FBN1: variants seen among roughly 807,000 people sequenced by gnomAD.
The protein encoded by FBN1 is fibrillin-1.
In FBN1, 29 loss-of-function variants were observed where a neutral mutation model predicts 365.1. The observed-to-expected ratio is 0.08, with a 90% CI of 0.06 to 0.11. FBN1 has a LOEUF of 0.11. Ranked by LOEUF, FBN1 falls within the 10% of genes least tolerant of loss-of-function variation. FBN1 has a pLI of 1.00. For missense variants in FBN1, 2,476 were observed against 3,703.2 expected, an observed-to-expected ratio of 0.67 and a Z score of 8.60; for synonymous variants, 1,210 against 1,270.5, an observed-to-expected ratio of 0.95 and a Z score of 1.01.
chr15:48,473,661 G>A (rs374878247), intron 34 of FBN1, among the ~76,000 whole-genome samples: 2 of 152,046 alleles, frequency 1.3e-5, no homozygotes, highest in Non-Finnish European at 2.9e-5. Flanking sequence ...TGATGATGAC[G>A]ATAATGATGA....
Position 48,596,294 on chromosome 15 carries a change from T to C in FBN1, c.527A>G (p.Gln176Arg), listed in dbSNP as rs1487286173. The change falls in exon 6 of 66, where the codon CAG becomes CGG. Residue 176 changes from glutamine to arginine, a missense_variant. Gln to Arg is a conservative substitution (Grantham distance 43). Around this residue, in one of 5 missense-constraint regions of FBN1, gnomAD observed 421 missense variants for 520.1 expected, o/e 0.81. Coordinates refer to ENST00000316623, the MANE Select transcript of FBN1 (RefSeq NM_000138.5). ...CACTYGFTGP[Q>R]CERDYRTGPC... The stretch of plus-strand genomic sequence containing the variant: ...TTAAAAACCATTACCTCTTTCACAC[T>C]GGGGTCCAGTAAATCCGTAAGTGCA... 4 of 1,613,918 alleles carry C rather than the reference T, an allele frequency of 2.5e-6. No individual in the cohort carries two copies. The highest frequency in any genetic ancestry group is 1.7e-6 in the Non-Finnish European group (2 of 1,179,796).
At chr15:48,519,813 G>A (rs1055115292) in intron 10 of FBN1, among the ~76,000 whole-genome samples, 2 of 152,178 alleles carry the variant, frequency 1.3e-5, no homozygotes, top group African/African-American at 4.8e-5. Flanking sequence ...TTAGATTTGG[G>A]ACTCTAAATA....
At chr15:48,503,017 G>A (rs111289708) in intron 17 of FBN1, among the ~76,000 whole-genome samples, 12 of 151,832 alleles carry the variant, frequency 7.9e-5, no homozygotes, top group South Asian at 2.1e-4. Flanking sequence ...AAACCACACC[G>A]GTCCGGGCGC....
At chr15:48,567,539 G>T (rs952957371) in intron 6 of FBN1, among the ~76,000 whole-genome samples, 2 of 152,042 alleles carry the variant, frequency 1.3e-5, no homozygotes, top group Non-Finnish European at 2.9e-5. Flanking sequence ...TATTCCCAAT[G>T]AACAGAGACA....
At chr15:48,496,280 T>C (rs1489320423) in intron 19 of FBN1, 55 bp from the exon 20 acceptor site, 2 of 1,609,978 alleles carry the variant, frequency 1.2e-6, no homozygotes, top group Non-Finnish European at 1.7e-6. Context: ...TGCCTGTATC[T>C]ACTTTGCTCT....
intron 50 of FBN1, among the ~76,000 whole-genome samples, chr15:48,440,234 C>CT (rs1359054367): frequency 7.9e-5 from 12 of 152,218 alleles, no homozygotes; most frequent in Non-Finnish European, 1.8e-4. Flanking sequence ...ACAAAAGTCA[C>CT]TTTCCCTGCT....
intron 8 of FBN1, among the ~76,000 whole-genome samples, chr15:48,531,938 T>C (rs1597590477): frequency 6.6e-6 from 1 of 152,188 alleles, no homozygotes; most frequent in East Asian, 1.9e-4. Flanking sequence ...GAAAAAAAAA[T>C]CTAGCCAAAA....
At chr15:48,472,461 A>C in intron 35 of FBN1, 90 bp downstream of exon 35, 1 of 725,822 alleles carries the variant, frequency 1.4e-6, no homozygotes, top group Admixed American at 4.6e-5. Flanking sequence ...CTCAGTTTAA[A>C]AAAAAAAAAA....
intron 2 of FBN1, among the ~76,000 whole-genome samples, chr15:48,630,032 C>T (rs16961261): frequency 0.017 from 2,622 of 152,274 alleles, 77 homozygotes; most frequent in African/African-American, 0.061. Flanking sequence ...TATCCAGCTA[C>T]TAAATAAGGT....
intron 7 of FBN1, among the ~76,000 whole-genome samples, chr15:48,536,951 G>A (rs1292932689): frequency 6.6e-6 from 1 of 152,152 alleles, no homozygotes; most frequent in Non-Finnish European, 1.5e-5. Context: ...AGTTTAGTGT[G>A]GAGCTGCCTC....
chr15:48,451,801 T>G (rs779491234), intron 45 of FBN1, among the ~76,000 whole-genome samples: 1 of 152,212 alleles, frequency 6.6e-6, no homozygotes, highest in African/African-American at 2.4e-5. Context: ...TCTGAGATAT[T>G]ATTTTGTTTC....
intron 6 of FBN1, among the ~76,000 whole-genome samples, chr15:48,563,177 C>T (rs922902309): frequency 5.3e-5 from 8 of 152,136 alleles, no homozygotes; most frequent in African/African-American, 1.9e-4. Flanking sequence ...GTCTGCCAGA[C>T]ACTATTCTAG....
chr15:48,538,921 C>T lies in FBN1; in HGVS notation c.539-1113G>A, dbSNP rs2044034815. Reference sequence around the variant, plus strand: ...AGTTTTATGAAAATCACTGGCTGTGCTAATGAAACTACTGGGATGCTTTCA... The same window carrying T: ...AGTTTTATGAAAATCACTGGCTGTGTTAATGAAACTACTGGGATGCTTTCA... On this transcript the variant is annotated intron_variant, in intron 6 of 65. Coordinates refer to ENST00000316623, the MANE Select transcript of FBN1 (RefSeq NM_000138.5). 2.0e-5 allele frequency among the ~76,000 whole-genome samples: 3 copies of T among 152,292 alleles called. No homozygotes were observed. In the South Asian group the frequency reaches 6.2e-4, roughly 32 times the overall value.
chr15:48,543,185 ATAGT>A (rs1411677255), intron 6 of FBN1, among the ~76,000 whole-genome samples: 1 of 152,188 alleles, frequency 6.6e-6, no homozygotes, highest in Non-Finnish European at 1.5e-5. Context: ...CAGTGTCCTA[ATAGT>A]TAGTAGAATT....
At chr15:48,627,343 G>A (rs1375125284) in intron 2 of FBN1, among the ~76,000 whole-genome samples, 1 of 152,190 alleles carries the variant, frequency 6.6e-6, no homozygotes, top group Non-Finnish European at 1.5e-5. Flanking sequence ...TCCCAACAGA[G>A]AATGAGTATT....
intron 34 of FBN1, 128 bp from the exon 35 acceptor site, chr15:48,472,804 T>C: frequency 3.1e-6 from 4 of 1,302,036 alleles, no homozygotes; most frequent in Admixed American, 1.9e-5. Context: ...AAGTCATTTA[T>C]TTTTCTCTTT....
intron 51 of FBN1, 53 bp downstream of exon 51, chr15:48,437,715 T>C (rs1013061195): frequency 2.5e-6 from 4 of 1,592,010 alleles, no homozygotes; most frequent in East Asian, 2.2e-5. Flanking sequence ...ACTTACATCA[T>C]GGCCAGTCTG....
intron 43 of FBN1, 26 bp from the exon 44 acceptor site, chr15:48,456,788 G>A (rs1013095798): frequency 1.2e-6 from 2 of 1,610,176 alleles, no homozygotes; most frequent in Admixed American, 1.7e-5. Flanking sequence ...TCATTCATGA[G>A]TGACAGGACA....
At chr15:48,557,504 G>C (rs2044190415) in intron 6 of FBN1, among the ~76,000 whole-genome samples, 1 of 152,176 alleles carries the variant, frequency 6.6e-6, no homozygotes, top group African/African-American at 2.4e-5. Context: ...AAGAAAGCCA[G>C]GTTTAAACCA....
Sources: gnomAD v4.1 joint callset for allele counts (sites outside exome capture counted in the v4.1 genomes callset) on GRCh38, gnomAD v4.1.1 for gene constraint, gnomAD v4.1.1 regional missense constraint, MANE v1.5 for transcripts, NCBI Gene and HGNC (gene_info 2026-07-23, HGNC 2026-07-21) for gene names.